ANO4: variants seen among roughly 807,000 people sequenced by gnomAD.
The protein encoded by ANO4 is anoctamin 4, also known as anoctamin-4.
A neutral mutation model predicts 141.9 loss-of-function variants in ANO4; 69 were observed. The observed-to-expected ratio is 0.49, with a 90% CI of 0.40 to 0.59. The LOEUF is 0.59. Among genes scored for constraint, ANO4 ranks in the 20% least tolerant of loss-of-function variants. ANO4 has a pLI of 0.00. For synonymous variants in ANO4, 350 were observed against 394.3 expected (o/e 0.89, Z 1.33); for missense variants, 894 against 1,162.2 (o/e 0.77, Z 3.36).
intron 14 of ANO4, among the ~76,000 whole-genome samples, chr12:101,072,318 T>C (rs2048847338): frequency 6.6e-6 from 1 of 152,194 alleles, no homozygotes; most frequent in South Asian, 2.1e-4. Flanking sequence ...TCTTACTTTC[T>C]ATTAGCCTAA....
chr12:101,000,567 T>C lies in ANO4; in HGVS notation c.734+12897T>C, dbSNP rs752550951. 2.4e-3 allele frequency among the ~76,000 whole-genome samples: 363 copies of C among 152,154 alleles called. 6 individuals are homozygous for C. Among genetic ancestry groups the C allele is most frequent in the Non-Finnish European group, 1.1e-3 (72 of 68,008 alleles). Reference sequence around the variant, plus strand: ...ACTTAAAGCAGTCTCTGAACACTTATTTTATTGCAGTTACTTATTCGGCAT... The same window carrying C: ...ACTTAAAGCAGTCTCTGAACACTTACTTTATTGCAGTTACTTATTCGGCAT... On this transcript the variant is annotated intron_variant, in intron 8 of 27. Coordinates refer to ENST00000392977, the MANE Select transcript of ANO4 (RefSeq NM_001286615.2).
At chr12:100,748,045 T>G (rs17030538) in intron 3 of ANO4, among the ~76,000 whole-genome samples, 7,964 of 152,174 alleles carry the variant, frequency 0.052, 625 homozygotes, top group African/African-American at 0.17. Flanking sequence ...CATGGTGTCT[T>G]ATATTGACGG....
intron 1 of ANO4, among the ~76,000 whole-genome samples, chr12:100,821,648 T>G (rs140595018): frequency 6.6e-6 from 1 of 151,990 alleles, no homozygotes. Flanking sequence ...TTGAAGAGTG[T>G]TACGTGTCAG....
At chr12:100,838,129 G>A (rs2037041647) in intron 1 of ANO4, among the ~76,000 whole-genome samples, 1 of 151,324 alleles carries the variant, frequency 6.6e-6, no homozygotes, top group South Asian at 2.1e-4. Flanking sequence ...GGTGGTGAAG[G>A]TGCGAAGATA....
At chr12:101,119,091 C>T (rs1010481430) in intron 25 of ANO4, among the ~76,000 whole-genome samples, 2 of 152,042 alleles carry the variant, frequency 1.3e-5, no homozygotes, top group Admixed American at 6.6e-5. Flanking sequence ...TGTATCTGTG[C>T]CACATTTTCT....
intron 1 of ANO4, among the ~76,000 whole-genome samples, chr12:100,724,209 A>G (rs548753680): frequency 2.2e-4 from 33 of 152,348 alleles, no homozygotes; most frequent in African/African-American, 7.0e-4. Flanking sequence ...CTTTTGTCAC[A>G]GTGCCTGCTG....
chr12:101,039,714 AT>A (rs1272534827), intron 10 of ANO4, among the ~76,000 whole-genome samples: 1 of 152,174 alleles, frequency 6.6e-6, no homozygotes, highest in Non-Finnish European at 1.5e-5. Context: ...GCAGAATTGA[AT>A]TTGAACTCAG....
intron 8 of ANO4, among the ~76,000 whole-genome samples, chr12:101,018,344 T>C (rs2046392730): frequency 6.6e-6 from 1 of 152,174 alleles, no homozygotes; most frequent in South Asian, 2.1e-4. Context: ...CCACACAGCG[T>C]TTATCGCTCA....
rs530236872 is a variant in ANO4 at position 100,894,782 on chromosome 12, C to T, written c.-140-6864C>T. Among the ~76,000 whole-genome samples the T allele has an allele frequency of 3.5e-3, 531 of 151,760 alleles. 4 individuals carry two copies. Among genetic ancestry groups the T allele is most frequent in the Non-Finnish European group, 4.0e-3 (269 of 67,916 alleles). ...GAGATTGAGACCATCCCGGCTAAAA[C>T]GGTGAAACCCCGTCTCTACTAAAAA... On this transcript the variant is annotated intron_variant, in intron 1 of 27. Transcript: ENST00000392977.
At chr12:100,828,642 G>T (rs1565913215) in intron 1 of ANO4, among the ~76,000 whole-genome samples, 1 of 152,008 alleles carries the variant, frequency 6.6e-6, no homozygotes, top group Non-Finnish European at 1.5e-5. Context: ...AGGCGATGAG[G>T]ATACCAGTAT....
In ANO4 at chr12:100,916,980, TA is replaced by T. The variant is rs34313478; in HGVS notation, c.56-5232del. Among the ~76,000 whole-genome samples, 347 of 136,624 alleles carry T rather than the reference TA, an allele frequency of 2.5e-3. 1 individual carries two copies. The highest frequency in any genetic ancestry group is 3.9e-3 in the Middle Eastern group (1 of 256). The allele number at this position is 136,624 out of a possible 152,430, so 89.6% of individuals were successfully genotyped here. ...TCTGGGTGACAGAGTGTGACTGTCTTAAAAAAAAAAAAAAGCCTAGCTGTAA... is the reference window on the plus strand; with the variant it reads ...TCTGGGTGACAGAGTGTGACTGTCTTAAAAAAAAAAAAAGCCTAGCTGTAA... On this transcript the variant is annotated intron_variant, in intron 2 of 27. Coordinates refer to ENST00000392977, the MANE Select transcript of ANO4 (RefSeq NM_001286615.2).
chr12:101,104,714 GAT>G (rs2050373661), intron 22 of ANO4, among the ~76,000 whole-genome samples: 1 of 134,304 alleles, frequency 7.4e-6, no homozygotes, highest in African/African-American at 2.7e-5. Flanking sequence ...CATCTATGTT[GAT>G]ATATGTTTCA....
At chr12:101,066,187 T>C (rs769997651) in intron 14 of ANO4, among the ~76,000 whole-genome samples, 3 of 152,228 alleles carry the variant, frequency 2.0e-5, no homozygotes, top group Non-Finnish European at 4.4e-5. Context: ...AAACACTTCC[T>C]CTAAAATCTG....
intron 7 of ANO4, among the ~76,000 whole-genome samples, chr12:100,981,369 A>G (rs1159915474): frequency 6.6e-6 from 1 of 151,664 alleles, no homozygotes; most frequent in Non-Finnish European, 1.5e-5. Flanking sequence ...TCTGCTGTCT[A>G]TTATCATTCC....
chr12:101,125,060 G>A (rs1238229699), intron 26 of ANO4, among the ~76,000 whole-genome samples: 1 of 152,162 alleles, frequency 6.6e-6, no homozygotes. Flanking sequence ...ATTACTTTGG[G>A]CAGATGGCCG....
chr12:100,814,578 C>A (rs1194820558), intron 1 of ANO4, among the ~76,000 whole-genome samples: 1 of 152,044 alleles, frequency 6.6e-6, no homozygotes, highest in Non-Finnish European at 1.5e-5. Context: ...TTTATTGATA[C>A]AAATATAACC....
intron 15 of ANO4, among the ~76,000 whole-genome samples, chr12:101,082,973 A>G (rs1171131007): frequency 3.3e-5 from 5 of 152,308 alleles, no homozygotes; most frequent in Middle Eastern, 3.4e-3. Flanking sequence ...TTTAGTCAGA[A>G]GCTTTTCACA....
At chr12:100,785,242 C>CA (rs1277308371) in intron 3 of ANO4, among the ~76,000 whole-genome samples, 1 of 152,166 alleles carries the variant, frequency 6.6e-6, no homozygotes, top group African/African-American at 2.4e-5. Flanking sequence ...TACATGGACA[C>CA]ATTATTATCA....
intron 18 of ANO4, 146 bp downstream of exon 18, chr12:101,094,438 ATAATT>A (rs1288550940): frequency 2.1e-5 from 11 of 530,368 alleles, no homozygotes; most frequent in Non-Finnish European, 3.2e-5. Context: ...CTTCAACAGA[ATAATT>A]TAAATATGTC....
Sources: allele counts gnomAD v4.1 joint callset (sites outside exome capture counted in the v4.1 genomes callset), GRCh38; gene constraint gnomAD v4.1.1; transcripts MANE v1.5; gene names NCBI Gene and HGNC (gene_info 2026-07-23, HGNC 2026-07-21).